MAML3: variants seen among roughly 807,000 people sequenced by gnomAD.
MAML3 encodes mastermind-like protein 3.
A neutral mutation model predicts 101.9 loss-of-function variants in MAML3; 27 were observed. The ratio of observed to expected loss-of-function variants is 0.27; its 90% CI spans 0.20 to 0.37. MAML3 has a LOEUF of 0.37. Among genes scored for constraint, MAML3 ranks in the 10% least tolerant of loss-of-function variants. The pLI is 1.00. For missense variants in MAML3, 1,316 were observed against 1,444.9 expected, an observed-to-expected ratio of 0.91 and a Z score of 1.45; for synonymous variants, 501 against 555.9, an observed-to-expected ratio of 0.90 and a Z score of 1.39.
At chr4:139,909,702 T>C (rs933885857) in intron 1 of MAML3, among the ~76,000 whole-genome samples, 1 of 151,646 alleles carries the variant, frequency 6.6e-6, no homozygotes, top group African/African-American at 2.4e-5. Context: ...CTGGGCATGG[T>C]GGTATGTGCC....
chr4:140,104,610 A>G (rs1208307098), intron 1 of MAML3, among the ~76,000 whole-genome samples: 1 of 148,232 alleles, frequency 6.7e-6, no homozygotes, highest in African/African-American at 2.5e-5. Context: ...CTCTTACCTC[A>G]GCCTCACGAG....
At chr4:139,937,649 A>G (rs1733533009) in intron 1 of MAML3, among the ~76,000 whole-genome samples, 1 of 152,084 alleles carries the variant, frequency 6.6e-6, no homozygotes, top group Non-Finnish European at 1.5e-5. Context: ...CAGCCTCCCA[A>G]AGTGCTGGGA....
intron 2 of MAML3, among the ~76,000 whole-genome samples, chr4:139,822,401 A>G (rs1293009079): frequency 6.6e-6 from 1 of 152,108 alleles, no homozygotes; most frequent in Non-Finnish European, 1.5e-5. Flanking sequence ...TTCTGGGGTA[A>G]GTTCTGGGTA....
intron 1 of MAML3, among the ~76,000 whole-genome samples, chr4:140,113,576 A>C (rs887734146): frequency 6.6e-6 from 1 of 152,156 alleles, no homozygotes; most frequent in Non-Finnish European, 1.5e-5. Context: ...AGACAGTACC[A>C]ACTACATTCC....
intron 1 of MAML3, among the ~76,000 whole-genome samples, chr4:139,970,287 T>C (rs1734213861): frequency 6.6e-6 from 1 of 152,096 alleles, no homozygotes; most frequent in African/African-American, 2.4e-5. Context: ...TTTTGATAGG[T>C]GGAGAAGATG....
intron 2 of MAML3, among the ~76,000 whole-genome samples, chr4:139,816,724 C>G (rs1324931436): frequency 2.0e-5 from 3 of 151,996 alleles, no homozygotes; most frequent in Admixed American, 2.0e-4. Flanking sequence ...TCTTTCACTT[C>G]TAATTAACAT....
chr4:140,141,887 C>T (rs1323486862), intron 1 of MAML3, among the ~76,000 whole-genome samples: 1 of 152,112 alleles, frequency 6.6e-6, no homozygotes, highest in African/African-American at 2.4e-5. Context: ...GAGATTTTCC[C>T]GCCAACTTTT....
Position 139,761,385 on chromosome 4 carries a change from G to C in MAML3, c.2080-30718C>G, listed in dbSNP as rs1052895891. Among the ~76,000 whole-genome samples, 19 of 142,584 alleles carry C rather than the reference G, an allele frequency of 1.3e-4. No individual in the cohort carries two copies. In the East Asian group the frequency reaches 2.3e-3, roughly 17 times the overall value. The allele number at this position is 142,584 out of a possible 152,430, so 93.5% of individuals were successfully genotyped here. On this transcript the variant is annotated intron_variant, in intron 2 of 4. Transcript: ENST00000509479. ...CACTGCAAGTGATCAAAGAGAGTCT[G>C]GAGGGGGCGTTAGGGGAATTGGAGA...
At chr4:139,730,277 T>A in intron 3 of MAML3, 139 bp downstream of exon 3, 1 of 747,420 alleles carries the variant, frequency 1.3e-6, no homozygotes, top group Non-Finnish European at 2.2e-6. Flanking sequence ...TTCTTCAGGT[T>A]CTCTTGTGAT....
intron 2 of MAML3, among the ~76,000 whole-genome samples, chr4:139,742,467 T>A (rs7674828): frequency 1.3e-5 from 2 of 152,038 alleles, no homozygotes; most frequent in Non-Finnish European, 2.9e-5. Context: ...CTTTTCACTC[T>A]TTAATCAGAA....
intron 1 of MAML3, among the ~76,000 whole-genome samples, chr4:140,085,167 A>ACTCTGCCTCAGCCTCCC (rs1727931642): frequency 1.3e-5 from 2 of 152,214 alleles, no homozygotes; most frequent in African/African-American, 4.8e-5. Flanking sequence ...ACGAAGAAAC[A>ACTCTGCCTCAGCCTCCC]AATAAGGTCT....
At chr4:139,781,508 C>T (rs1288486423) in intron 2 of MAML3, among the ~76,000 whole-genome samples, 17 of 136,994 alleles carry the variant, frequency 1.2e-4, no homozygotes, top group South Asian at 2.4e-4. Flanking sequence ...AGAGCATTTT[C>T]ATATATATAT....
intron 2 of MAML3, among the ~76,000 whole-genome samples, chr4:139,876,821 C>T (rs1049630036): frequency 5.9e-5 from 9 of 152,280 alleles, no homozygotes; most frequent in East Asian, 1.9e-4. Flanking sequence ...GGCTCAGAGG[C>T]GTTGCCTGAA....
Position 139,719,814 on chromosome 4 carries a change from T to G in MAML3, c.2926A>C (p.Ser976Arg), listed in dbSNP as rs1218150900. 1.2e-6 allele frequency: 2 copies of G among 1,613,546 alleles called. No individual in the cohort carries two copies. Among genetic ancestry groups the G allele is most frequent in the South Asian group, 2.2e-5 (2 of 91,088 alleles). The part of the protein sequence containing the change: ...RSLQGMPGRT[S>R]GELGPFNNGA... ...TTGTTGAATGGTCCCAATTCTCCAC[T>G]AGTCCTCCCAGGCATGCCCTGCAAG... The change falls in exon 5 of 5, where the codon AGT (serine) becomes CGT (arginine). Residue 976 changes from serine to arginine, a missense_variant. Coordinates refer to ENST00000509479, the MANE Select transcript of MAML3 (RefSeq NM_018717.5).
chr4:140,025,031 A>G (rs1403542426), intron 1 of MAML3, among the ~76,000 whole-genome samples: 1 of 152,236 alleles, frequency 6.6e-6, no homozygotes, highest in Non-Finnish European at 1.5e-5. Context: ...TATTCAAAAC[A>G]TGTTCCCTAA....
At chr4:140,035,925 G>GA (rs1726980415) in intron 1 of MAML3, among the ~76,000 whole-genome samples, 1 of 152,206 alleles carries the variant, frequency 6.6e-6, no homozygotes, top group African/African-American at 2.4e-5. Flanking sequence ...GTTCTATCCT[G>GA]ATGTATTTCT....
At chr4:139,950,095 C>A (rs1406642627) in intron 1 of MAML3, among the ~76,000 whole-genome samples, 6 of 152,170 alleles carry the variant, frequency 3.9e-5, no homozygotes, top group Admixed American at 6.5e-5. Context: ...GGCTGGAGTG[C>A]AGTGGTGTGA....
chr4:139,894,486 C>A (rs10012545), intron 1 of MAML3, among the ~76,000 whole-genome samples: 3,075 of 150,462 alleles, frequency 0.02, 99 homozygotes, highest in African/African-American at 0.071. Context: ...CTCTAGCCTG[C>A]TGACAGAGCA....
chr4:140,002,428 A>C (rs141180264), intron 1 of MAML3, among the ~76,000 whole-genome samples: 1 of 152,320 alleles, frequency 6.6e-6, no homozygotes, highest in African/African-American at 2.4e-5. Flanking sequence ...TTGAGGTCTG[A>C]GGTGGAAGCA....
Sources: gnomAD v4.1 joint callset for allele counts (sites outside exome capture counted in the v4.1 genomes callset) on GRCh38, gnomAD v4.1.1 for gene constraint, MANE v1.5 for transcripts, NCBI Gene and HGNC (gene_info 2026-07-23, HGNC 2026-07-21) for gene names.